Variants in DCAF8L2 observed in about 807,000 individuals in gnomAD.
DCAF8L2 encodes the protein DDB1- and CUL4-associated factor 8-like protein 2.
For synonymous variants in DCAF8L2, 200 were observed against 190.9 expected (o/e 1.05, Z -0.39); for missense variants, 430 against 490.7 (o/e 0.88, Z 1.17).
At chrX:27,532,062 G>T in the DCAF8L2 span, among the ~76,000 whole-genome samples, 77 of 105,333 alleles carry the variant, frequency 7.3e-4, 1 homozygote, top group Middle Eastern at 0.024. Context: ...AATTGATATC[G>T]ATATATATAT....
At chrX:27,742,588 AAAAC>A (rs1337532956) in intron 4 of DCAF8L2, among the ~76,000 whole-genome samples, 1 of 108,395 alleles carries the variant, frequency 9.2e-6, no homozygotes, top group African/African-American at 3.4e-5. Context: ...AACAAAAACA[AAAAC>A]AAACAAAAAA....
At chrX:27,476,800 C>T in the DCAF8L2 span, among the ~76,000 whole-genome samples, 6 of 111,810 alleles carry the variant, frequency 5.4e-5, no homozygotes, top group African/African-American at 1.6e-4. Flanking sequence ...TTAATTTTAC[C>T]ATCTGTGCTA....
chrX:27,491,772 C>A, the DCAF8L2 span, among the ~76,000 whole-genome samples: 1 of 111,226 alleles, frequency 9.0e-6, no homozygotes, highest in Non-Finnish European at 1.9e-5. Context: ...TTTCATTGTG[C>A]AAATCTTGCT....
chrX:27,589,380 A>G (rs1925981031), upstream of DCAF8L2, among the ~76,000 whole-genome samples: 1 of 112,339 alleles, frequency 8.9e-6, no homozygotes, highest in Admixed American at 9.5e-5. Context: ...ATGCATTGCA[A>G]GAAAGAATTT....
At chrX:27,502,176 C>T in the DCAF8L2 span, among the ~76,000 whole-genome samples, 1 of 102,836 alleles carries the variant, frequency 9.7e-6, no homozygotes, top group African/African-American at 3.5e-5. Context: ...CAAAAATTAG[C>T]CTGGCGTGGT....
the DCAF8L2 span, among the ~76,000 whole-genome samples, chrX:27,527,528 G>A: frequency 9.0e-6 from 1 of 111,224 alleles, no homozygotes; most frequent in Non-Finnish European, 1.9e-5. Flanking sequence ...TGCACCCACT[G>A]TCCTGCTCCC....
intron 2 of DCAF8L2, among the ~76,000 whole-genome samples, chrX:27,637,321 C>T (rs953591472): frequency 2.7e-5 from 3 of 112,110 alleles, no homozygotes; most frequent in Non-Finnish European, 5.6e-5. Context: ...TCAGGGATCT[C>T]CAGATCACAC....
the DCAF8L2 span, among the ~76,000 whole-genome samples, chrX:27,528,004 ATTTTT>A: frequency 1.2e-4 from 8 of 67,862 alleles, 1 homozygote; most frequent in African/African-American, 5.8e-4. Flanking sequence ...ATTAAATTAA[ATTTTT>A]AATTTAATTA....
the DCAF8L2 span, among the ~76,000 whole-genome samples, chrX:27,551,133 A>G: frequency 9.2e-6 from 1 of 108,802 alleles, no homozygotes; most frequent in Non-Finnish European, 1.9e-5. Flanking sequence ...CTGCTTGGGC[A>G]TTCCTGTTCC....
At chrX:27,560,840 T>C in the DCAF8L2 span, among the ~76,000 whole-genome samples, 2 of 112,203 alleles carry the variant, frequency 1.8e-5, no homozygotes, top group Non-Finnish European at 1.9e-5. Context: ...ATTATTCTAC[T>C]AGGGCTTGCC....
At chrX:27,707,128 GA>G (rs933492434) in intron 3 of DCAF8L2, among the ~76,000 whole-genome samples, 1 of 110,927 alleles carries the variant, frequency 9.0e-6, no homozygotes, top group African/African-American at 3.3e-5. Context: ...TGAATGGGGG[GA>G]AATGGGAAGT....
the DCAF8L2 span, among the ~76,000 whole-genome samples, chrX:27,535,062 C>T: frequency 2.7e-5 from 3 of 112,300 alleles, no homozygotes; most frequent in African/African-American, 9.7e-5. Context: ...TTTAAACTCT[C>T]TAGTCTTTAC....
At chrX:27,704,241 C>CAT (rs1931257733) in intron 3 of DCAF8L2, among the ~76,000 whole-genome samples, 1 of 86,731 alleles carries the variant, frequency 1.2e-5, no homozygotes, top group Non-Finnish European at 2.1e-5. Context: ...TACACACGTG[C>CAT]GCACATACGT....
the DCAF8L2 span, chrX:27,518,281 C>T: frequency 1.1e-6 from 1 of 946,814 alleles, no homozygotes; most frequent in South Asian, 1.9e-5. Context: ...AATCCTACCC[C>T]AGCGTGTTTA....
chrX:27,670,579 G>T (rs1929916196), intron 2 of DCAF8L2, among the ~76,000 whole-genome samples: 1 of 111,651 alleles, frequency 9.0e-6, no homozygotes, highest in African/African-American at 3.3e-5. Flanking sequence ...ATCAAGGAAA[G>T]AATCTACATA....
intron 1 of DCAF8L2, among the ~76,000 whole-genome samples, chrX:27,631,118 A>G (rs1928269736): frequency 8.9e-6 from 1 of 111,799 alleles, no homozygotes; most frequent in East Asian, 2.8e-4. Context: ...TGTAATACCC[A>G]ACGTTAACGA....
At chrX:27,715,389 A>AGAC (rs1931666684) in intron 3 of DCAF8L2, among the ~76,000 whole-genome samples, 1 of 102,760 alleles carries the variant, frequency 9.7e-6, no homozygotes. Flanking sequence ...AAAAAAAGGA[A>AGAC]CTGAGACTAG....
At chrX:27,547,871 T>TC in the DCAF8L2 span, among the ~76,000 whole-genome samples, 6 of 19,250 alleles carry the variant, frequency 3.1e-4, no homozygotes, top group Admixed American at 9.8e-4. Context: ...CTCTCTCTCT[T>TC]TCTCTCTCTC....
At chrX:27,589,570 C>T (rs1460738605), upstream of DCAF8L2, among the ~76,000 whole-genome samples, 1 of 111,668 alleles carries the variant, frequency 9.0e-6, no homozygotes, top group East Asian at 2.8e-4. Context: ...CATGAAAGAT[C>T]AATTTACCAA....
Sources: gnomAD v4.1 joint callset for allele counts (sites outside exome capture counted in the v4.1 genomes callset) on GRCh38, gnomAD v4.1.1 for gene constraint, MANE v1.5 for transcripts, NCBI Gene and HGNC (gene_info 2026-07-23, HGNC 2026-07-21) for gene names.